COMMD6: variants seen among roughly 807,000 people sequenced by gnomAD.
COMMD6 encodes COMM domain containing 6.
COMMD6 carries 11 observed loss-of-function variants against 13.4 expected under a neutral mutation model. That is an observed-to-expected ratio of 0.82 (90% CI 0.52 to 1.36). The LOEUF is 1.36. Ranked by LOEUF, COMMD6 falls within the 40% of genes most tolerant of loss-of-function variation. The probability of loss-of-function intolerance (pLI) is 0.00; values close to 1 mark genes in which losing one functional copy is unlikely to be tolerated. For synonymous variants in COMMD6, 43 were observed against 36.5 expected, an observed-to-expected ratio of 1.18 and a Z score of -0.64; for missense variants, 124 against 102.4, an observed-to-expected ratio of 1.21 and a Z score of -0.91.
At chr13:75,534,105 G>A (rs2030583402) in intron 2 of COMMD6, among the ~76,000 whole-genome samples, 1 of 151,958 alleles carries the variant, frequency 6.6e-6, no homozygotes, top group African/African-American at 2.4e-5. Context: ...TCCCCTAAAT[G>A]TTTGAGTATG....
intron 2 of COMMD6, among the ~76,000 whole-genome samples, chr13:75,531,763 G>GA: frequency 6.6e-6 from 1 of 152,300 alleles, no homozygotes; most frequent in South Asian, 2.1e-4. Context: ...TGCTGTTGGT[G>GA]AAAGTGTAAA....
chr13:75,541,827 C>T (rs1448831645), upstream of COMMD6, among the ~76,000 whole-genome samples: 1 of 151,970 alleles, frequency 6.6e-6, no homozygotes, highest in Non-Finnish European at 1.5e-5. Context: ...AGAATAATGG[C>T]CCCCCAAATA....
chr13:75,527,592 TTAATA>T (rs901278617), intron 3 of COMMD6, among the ~76,000 whole-genome samples: 3 of 152,178 alleles, frequency 2.0e-5, no homozygotes, highest in African/African-American at 7.2e-5. Context: ...ATATTTATAT[TTAATA>T]TGATTATAAT....
At chr13:75,547,592 A>T (rs888491274) in intron 1 of COMMD6, among the ~76,000 whole-genome samples, 1 of 152,174 alleles carries the variant, frequency 6.6e-6, no homozygotes, top group Non-Finnish European at 1.5e-5. Flanking sequence ...AGGTGTTTTT[A>T]TGCACCTCTG....
Position 75,526,462 on chromosome 13 carries a change from T to A in COMMD6, c.*127A>T, listed in dbSNP as rs1671238216. On this transcript the variant is annotated 3_prime_UTR_variant, in exon 4 of 4. Transcript: ENST00000682242. Reference sequence around the variant, plus strand: ...TCCTGTTTGTCTGATTTTTATTATTTAAAAAAATGGAAAAACAAAAGTGCA... The same window carrying A: ...TCCTGTTTGTCTGATTTTTATTATTAAAAAAAATGGAAAAACAAAAGTGCA... The A allele has an allele frequency of 1.4e-6, 1 of 690,990 alleles. No homozygotes were observed. The highest frequency in any genetic ancestry group is 2.5e-6 in the Non-Finnish European group (1 of 405,306). 42.8% of individuals were successfully genotyped at this position (690,990 alleles called of 1,614,324 possible).
rs942870618 is a variant in COMMD6, at chr13:75,525,750, A to T, written c.*839T>A. Reference sequence around the variant, plus strand: ...TGCAGACAGGGTGTGAAGAGGGTTTAAATTTCTAATATGGCGGACCAGAAT... The same window carrying T: ...TGCAGACAGGGTGTGAAGAGGGTTTTAATTTCTAATATGGCGGACCAGAAT... On this transcript the variant is annotated 3_prime_UTR_variant, in exon 4 of 4. Transcript: ENST00000682242. 2 of 152,284 alleles carry T rather than the reference A, an allele frequency of 1.3e-5. No individual in the cohort carries two copies. Among genetic ancestry groups the T allele is most frequent in the African/African-American group, 4.8e-5 (2 of 41,480 alleles). 9.4% of individuals were successfully genotyped at this position (152,284 alleles called of 1,614,324 possible).
upstream of COMMD6, chr13:75,537,848 C>G: frequency 6.5e-7 from 1 of 1,548,994 alleles, no homozygotes; most frequent in Non-Finnish European, 8.7e-7. Flanking sequence ...AGAGAACGCC[C>G]CCAGACCAGC....
chr13:75,527,404 T>C (rs2138408748), intron 3 of COMMD6, among the ~76,000 whole-genome samples: 1 of 152,326 alleles, frequency 6.6e-6, no homozygotes, highest in South Asian at 2.1e-4. Context: ...ACTATTTCTT[T>C]AAAAATATGT....
upstream of COMMD6, among the ~76,000 whole-genome samples, chr13:75,541,352 C>T (rs1453793964): frequency 6.6e-6 from 1 of 152,020 alleles, no homozygotes; most frequent in South Asian, 2.1e-4. Flanking sequence ...ATCTCCACTT[C>T]TCAGTTGTGG....
At chr13:75,547,855 C>T (rs2030930974) in intron 1 of COMMD6, among the ~76,000 whole-genome samples, 1 of 152,328 alleles carries the variant, frequency 6.6e-6, no homozygotes, top group East Asian at 1.9e-4. Flanking sequence ...ACCTACTGGG[C>T]CTCTTTGGCT....
intron 2 of COMMD6, among the ~76,000 whole-genome samples, chr13:75,535,963 C>G (rs1196907442): frequency 6.6e-6 from 1 of 152,122 alleles, no homozygotes. Context: ...TCACAGCTCA[C>G]TGCTGCCTCA....
chr13:75,529,499 C>A (rs1305269582), intron 3 of COMMD6, among the ~76,000 whole-genome samples: 1 of 134,832 alleles, frequency 7.4e-6, no homozygotes, highest in African/African-American at 2.8e-5. Flanking sequence ...CCAGCCTGGG[C>A]AACAGAGCGA....
chr13:75,535,168 T>C (rs1042759433), intron 2 of COMMD6, among the ~76,000 whole-genome samples: 2 of 152,116 alleles, frequency 1.3e-5, no homozygotes, highest in Admixed American at 6.5e-5. Context: ...AAGAGCATTC[T>C]GGACTGAGGG....
upstream of COMMD6, chr13:75,537,858 C>T (rs1428613187): frequency 1.3e-6 from 2 of 1,528,174 alleles, no homozygotes; most frequent in South Asian, 1.3e-5. Flanking sequence ...CCCAGACCAG[C>T]GCTTCCGCTT....
At chr13:75,527,667 C>T (rs988715763) in intron 3 of COMMD6, 3 of 693,494 alleles carry the variant, frequency 4.3e-6, no homozygotes, top group Non-Finnish European at 6.0e-6. Context: ...GAATATCACA[C>T]AGCCATAAAA....
chr13:75,527,703 C>A, intron 3 of COMMD6: 3 of 1,162,106 alleles, frequency 2.6e-6, no homozygotes, highest in Non-Finnish European at 3.3e-6. Flanking sequence ...CCATTTGCAA[C>A]AACATGGATG....
intron 2 of COMMD6, chr13:75,537,375 A>C: frequency 6.4e-7 from 1 of 1,550,922 alleles, no homozygotes; most frequent in Non-Finnish European, 8.7e-7. Flanking sequence ...CCAACACTTT[A>C]AAATACCGTG....
chr13:75,545,633 G>A (rs2030894795), intron 1 of COMMD6, among the ~76,000 whole-genome samples: 1 of 151,904 alleles, frequency 6.6e-6, no homozygotes, highest in Admixed American at 6.6e-5. Flanking sequence ...CACCACGCCT[G>A]GTTAATTTTC....
At chr13:75,537,558 G>T in intron 2 of COMMD6, 106 bp downstream of exon 2, 1 of 1,532,190 alleles carries the variant, frequency 6.5e-7, no homozygotes, top group African/African-American at 1.4e-5. Flanking sequence ...TCACCGGCTC[G>T]CGGACACAGG....
Sources: gnomAD v4.1 joint callset for allele counts (sites outside exome capture counted in the v4.1 genomes callset) on GRCh38, gnomAD v4.1.1 for gene constraint, MANE v1.5 for transcripts, NCBI Gene and HGNC (gene_info 2026-07-23, HGNC 2026-07-21) for gene names.